Variants in PPM1H observed in about 807,000 individuals in gnomAD.
PPM1H encodes protein phosphatase 1H.
In PPM1H, 27 loss-of-function variants were observed where a neutral mutation model predicts 54.9. The observed-to-expected ratio is 0.49, with a 90% CI of 0.36 to 0.68. The LOEUF (loss-of-function observed/expected upper bound fraction) is 0.68. PPM1H is among the 30% of genes least tolerant of loss of function. The probability of loss-of-function intolerance (pLI) is 0.00; values close to 1 mark genes in which losing one functional copy is unlikely to be tolerated. For synonymous variants in PPM1H, 305 were observed against 270.8 expected, an observed-to-expected ratio of 1.13 and a Z score of -1.24; for missense variants, 596 against 667.8, an observed-to-expected ratio of 0.89 and a Z score of 1.19.
chr12:62,892,508 A>G (rs996581632), intron 1 of PPM1H, among the ~76,000 whole-genome samples: 2 of 152,230 alleles, frequency 1.3e-5, no homozygotes, highest in East Asian at 3.8e-4. Flanking sequence ...ATTCTTGTAC[A>G]AAAATTTGCT....
chr12:62,772,874 G>T (rs1467814724), intron 4 of PPM1H, among the ~76,000 whole-genome samples: 1 of 152,210 alleles, frequency 6.6e-6, no homozygotes, highest in Non-Finnish European at 1.5e-5. Flanking sequence ...CATAGGCTGG[G>T]TGTGGTGGCT....
At chr12:62,749,973 C>T (rs2076432622) in intron 4 of PPM1H, among the ~76,000 whole-genome samples, 1 of 152,014 alleles carries the variant, frequency 6.6e-6, no homozygotes, top group African/African-American at 2.4e-5. Context: ...ATACCAGCAA[C>T]ACTCATGAAA....
intron 2 of PPM1H, among the ~76,000 whole-genome samples, chr12:62,823,057 G>C (rs1322759751): frequency 1.3e-5 from 2 of 152,098 alleles, no homozygotes; most frequent in Non-Finnish European, 2.9e-5. Flanking sequence ...AAATGATAAA[G>C]GGGATATCAC....
intron 5 of PPM1H, among the ~76,000 whole-genome samples, chr12:62,731,071 A>G (rs1336099600): frequency 6.6e-6 from 1 of 152,242 alleles, no homozygotes; most frequent in Non-Finnish European, 1.5e-5. Context: ...CTGAATACGA[A>G]TAAAATTCTG....
At chr12:62,688,550 A>AATTG (rs1488955774) in intron 8 of PPM1H, among the ~76,000 whole-genome samples, 1 of 152,256 alleles carries the variant, frequency 6.6e-6, no homozygotes, top group African/African-American at 2.4e-5. Flanking sequence ...TCAACATAGA[A>AATTG]ATCGATACTG....
intron 1 of PPM1H, among the ~76,000 whole-genome samples, chr12:62,915,376 T>C (rs1348682935): frequency 6.6e-6 from 1 of 152,254 alleles, no homozygotes; most frequent in Non-Finnish European, 1.5e-5. Flanking sequence ...GCACTGGCTC[T>C]GCTCCCTGCG....
rs182670789 is a variant in PPM1H, at chr12:62,727,371, G to A, written c.955-7082C>T. ...ATTATTTAAACTATAAGATAACACA[G>A]CCTTCAATCTTTTGAAAAAGTTAAA... On this transcript the variant is annotated intron_variant, in intron 5 of 9. Transcript: ENST00000228705. Among the ~76,000 whole-genome samples the A allele has an allele frequency of 5.9e-3, 898 of 152,212 alleles. 6 individuals carry two copies. The highest frequency in any genetic ancestry group is 0.01 in the Middle Eastern group (3 of 294).
intron 6 of PPM1H, among the ~76,000 whole-genome samples, chr12:62,713,512 A>G (rs2076218752): frequency 1.3e-5 from 2 of 152,082 alleles, no homozygotes. Context: ...CTGGCTATGA[A>G]GTGAGTTGTT....
intron 4 of PPM1H, among the ~76,000 whole-genome samples, chr12:62,765,902 A>G (rs2076539821): frequency 1.3e-5 from 2 of 152,334 alleles, no homozygotes; most frequent in Middle Eastern, 3.4e-3. Flanking sequence ...AGCTCAGGGT[A>G]TGAGGATGAG....
intron 1 of PPM1H, among the ~76,000 whole-genome samples, chr12:62,923,804 C>T (rs949013285): frequency 6.6e-6 from 1 of 152,162 alleles, no homozygotes; most frequent in Non-Finnish European, 1.5e-5. Flanking sequence ...GCCCTGAGGG[C>T]AAGACACTTG....
intron 1 of PPM1H, among the ~76,000 whole-genome samples, chr12:62,886,316 T>C (rs764368947): frequency 2.6e-5 from 4 of 152,362 alleles, no homozygotes; most frequent in African/African-American, 4.8e-5. Flanking sequence ...CCCTCTGTTA[T>C]AGGTAATTTA....
At chr12:62,892,598 C>A (rs982692369) in intron 1 of PPM1H, among the ~76,000 whole-genome samples, 3 of 152,150 alleles carry the variant, frequency 2.0e-5, no homozygotes, top group African/African-American at 7.2e-5. Context: ...AATTTTGAGT[C>A]ACAATTTAAA....
At chr12:62,716,558 A>G (rs1049261454) in intron 6 of PPM1H, among the ~76,000 whole-genome samples, 5 of 152,240 alleles carry the variant, frequency 3.3e-5, no homozygotes, top group Admixed American at 6.5e-5. Context: ...AGGTTTCAGA[A>G]GAATGGGTTC....
chr12:62,801,138 C>T (rs1254842316), intron 3 of PPM1H, among the ~76,000 whole-genome samples: 1 of 152,210 alleles, frequency 6.6e-6, no homozygotes, highest in Non-Finnish European at 1.5e-5. Flanking sequence ...TGAGCACTTT[C>T]CTAAACCCTG....
intron 5 of PPM1H, among the ~76,000 whole-genome samples, chr12:62,728,069 A>G (rs2076299577): frequency 1.3e-5 from 2 of 152,224 alleles, no homozygotes; most frequent in African/African-American, 4.8e-5. Flanking sequence ...TCAAGGAAAC[A>G]TAACAGAATG....
intron 4 of PPM1H, among the ~76,000 whole-genome samples, chr12:62,780,361 G>A (rs2076634728): frequency 6.6e-6 from 1 of 152,126 alleles, no homozygotes; most frequent in Non-Finnish European, 1.5e-5. Flanking sequence ...GAATGCATTG[G>A]TGCAATCATG....
At chr12:62,677,482 C>A (rs905615217) in intron 8 of PPM1H, among the ~76,000 whole-genome samples, 2 of 152,206 alleles carry the variant, frequency 1.3e-5, no homozygotes, top group African/African-American at 2.4e-5. Flanking sequence ...TACCTCCAAG[C>A]TTTCAGGCAC....
At chr12:62,871,848 G>A (rs1218766076) in intron 1 of PPM1H, among the ~76,000 whole-genome samples, 4 of 151,926 alleles carry the variant, frequency 2.6e-5, no homozygotes, top group African/African-American at 4.8e-5. Flanking sequence ...TGAACTGTAC[G>A]GCATATAAAT....
intron 1 of PPM1H, among the ~76,000 whole-genome samples, chr12:62,837,830 G>A (rs1398379742): frequency 6.6e-6 from 1 of 152,208 alleles, no homozygotes; most frequent in African/African-American, 2.4e-5. Context: ...CGAGTTAGAG[G>A]AGCATCTCCT....
Sources: gnomAD v4.1 joint callset for allele counts (sites outside exome capture counted in the v4.1 genomes callset) on GRCh38, gnomAD v4.1.1 for gene constraint, MANE v1.5 for transcripts, NCBI Gene and HGNC (gene_info 2026-07-23, HGNC 2026-07-21) for gene names.